Variants in GLIS1 observed in about 807,000 individuals in gnomAD.
The protein encoded by GLIS1 is zinc finger protein GLIS1.
GLIS1 carries 24 observed loss-of-function variants against 63.8 expected under a neutral mutation model. The observed-to-expected ratio is 0.38, with a 90% CI of 0.27 to 0.53. The LOEUF (loss-of-function observed/expected upper bound fraction) is 0.53. GLIS1 is among the 20% of genes least tolerant of loss of function. GLIS1 has a pLI of 0.85. For missense variants in GLIS1, 1,036 were observed against 1,074.1 expected (o/e 0.96, Z 0.50); for synonymous variants, 450 against 482.5 (o/e 0.93, Z 0.88).
At chr1:53,704,915 A>T (rs1201740816) in intron 2 of GLIS1, among the ~76,000 whole-genome samples, 1 of 152,214 alleles carries the variant, frequency 6.6e-6, no homozygotes, top group African/African-American at 2.4e-5. Context: ...CTGCTTTCAC[A>T]GGCACCACCT....
intron 4 of GLIS1, among the ~76,000 whole-genome samples, chr1:53,546,541 G>C (rs910101005): frequency 2.0e-4 from 30 of 152,248 alleles, no homozygotes; most frequent in African/African-American, 7.0e-4. Flanking sequence ...TGGAAAACGG[G>C]GTTAACACTC....
intron 2 of GLIS1, among the ~76,000 whole-genome samples, chr1:53,604,535 AAGCATCC>A (rs1645350150): frequency 6.6e-6 from 1 of 152,238 alleles, no homozygotes. Flanking sequence ...GCAGTCCCAG[AAGCATCC>A]AGCAGCTGGG....
In GLIS1 at chr1:53,594,989, A is replaced by C. The variant is rs1645240873; in HGVS notation, c.439T>G (p.Ser147Ala). The change falls in exon 4 of 11, where the codon TCA (serine) becomes GCA (alanine). Residue 147 changes from serine to alanine, a missense_variant and splice_region_variant. This residue lies in a region of GLIS1 where 592 missense variants were observed against 593.9 expected (regional missense o/e 1.00). Transcript: ENST00000628545. The part of the protein sequence containing the change: ...RLLHFPHPDR[S>A]PRPQATYVNG... Reference sequence around the variant, plus strand: ...ACATACGTGGCCTGGGGTCTAGGTGACCTGGAAGACAGTGCCCAGAGAGGT... The same window carrying C: ...ACATACGTGGCCTGGGGTCTAGGTGCCCTGGAAGACAGTGCCCAGAGAGGT... 1 of 1,421,458 alleles carries C rather than the reference A, an allele frequency of 7.0e-7. No homozygotes were observed. The highest frequency in any genetic ancestry group is 1.5e-5 in the South Asian group (1 of 65,430). The allele number at this position is 1,421,458 out of a possible 1,614,324, so 88.1% of individuals were successfully genotyped here.
At chr1:53,620,311 G>A (rs1272883826) in intron 2 of GLIS1, among the ~76,000 whole-genome samples, 4 of 152,304 alleles carry the variant, frequency 2.6e-5, no homozygotes, top group South Asian at 4.1e-4. Context: ...TCAGACCAGC[G>A]CTGACATCGC....
At chr1:53,641,199 G>A (rs1029208456) in intron 2 of GLIS1, among the ~76,000 whole-genome samples, 1 of 152,178 alleles carries the variant, frequency 6.6e-6, no homozygotes, top group Admixed American at 6.5e-5. Context: ...GCATACAAAA[G>A]GTGCTCATCC....
intron 2 of GLIS1, among the ~76,000 whole-genome samples, chr1:53,607,846 C>T (rs1047384657): frequency 6.6e-6 from 1 of 152,110 alleles, no homozygotes; most frequent in Non-Finnish European, 1.5e-5. Context: ...AATTTGGTTT[C>T]TGGTAAGGGC....
chr1:53,616,601 G>T (rs1569925811), intron 2 of GLIS1, among the ~76,000 whole-genome samples: 1 of 152,112 alleles, frequency 6.6e-6, no homozygotes, highest in African/African-American at 2.4e-5. Context: ...CAGGAGAGGG[G>T]TGTGTGGGAG....
intron 1 of GLIS1, 100 bp from the exon 2 acceptor site, chr1:53,738,206 G>A: frequency 3.0e-6 from 2 of 664,226 alleles, no homozygotes; most frequent in Non-Finnish European, 4.2e-6. Context: ...TCGGTGGATT[G>A]CGCGTCTTTA....
chr1:53,529,706 G>C, intron 5 of GLIS1, 85 bp downstream of exon 5: 1 of 1,408,160 alleles, frequency 7.1e-7, no homozygotes, highest in Non-Finnish European at 9.7e-7. Context: ...GGGGCTACAG[G>C]GTAAGGCAGG....
intron 2 of GLIS1, among the ~76,000 whole-genome samples, chr1:53,660,143 A>G (rs146158538): frequency 0.011 from 1,605 of 152,226 alleles, 18 homozygotes; most frequent in African/African-American, 0.037. Context: ...CCTTTTCCAG[A>G]CACCTCAATG....
intron 2 of GLIS1, among the ~76,000 whole-genome samples, chr1:53,705,149 C>T (rs1225946323): frequency 6.6e-6 from 1 of 152,138 alleles, no homozygotes; most frequent in Non-Finnish European, 1.5e-5. Flanking sequence ...AGTGTCGGGG[C>T]CCAGTTCAGA....
chr1:53,559,875 C>G (rs776172553), intron 4 of GLIS1, among the ~76,000 whole-genome samples: 4 of 152,172 alleles, frequency 2.6e-5, no homozygotes, highest in Non-Finnish European at 5.9e-5. Context: ...CACACACACA[C>G]AGTCATCTAC....
intron 2 of GLIS1, among the ~76,000 whole-genome samples, chr1:53,654,728 G>A (rs1296768167): frequency 2.0e-5 from 3 of 152,170 alleles, no homozygotes; most frequent in African/African-American, 7.2e-5. Context: ...GGACTGAGGC[G>A]ACTGCAGCCC....
In GLIS1 at chr1:53,509,164, C is replaced by T. The variant is rs200322187; in HGVS notation, c.2186G>A (p.Arg729Gln). 1.8e-4 allele frequency: 291 copies of T among 1,599,980 alleles called. No individual in the cohort carries two copies. The highest frequency in any genetic ancestry group is 2.2e-4 in the Non-Finnish European group (263 of 1,173,918). The part of the protein sequence containing the change: ...VGETHGFNPL[R>Q]PNGYHSLSTP... ...GCTGAGGCTGTGGTAGCCATTGGGC[C>T]GCAGGGGGTTGAAACCGTGGGTCTC... Residue 729 changes from arginine to glutamine, a missense_variant, in exon 10 of 11, where the codon CGG becomes CAG. Arg to Gln is a conservative substitution (Grantham distance 43). Around this residue, in one of 3 missense-constraint regions of GLIS1, gnomAD observed 400 missense variants for 400.9 expected, o/e 1.00. Transcript: ENST00000628545.
intron 2 of GLIS1, 79 bp from the exon 3 acceptor site, chr1:53,600,357 C>T: frequency 1.0e-6 from 1 of 959,716 alleles, no homozygotes; most frequent in Non-Finnish European, 1.4e-6. Flanking sequence ...AGGGCAGTCC[C>T]TGGGGTACAG....
At chr1:53,592,591 T>G (rs1645203118) in intron 4 of GLIS1, among the ~76,000 whole-genome samples, 1 of 152,190 alleles carries the variant, frequency 6.6e-6, no homozygotes, top group South Asian at 2.1e-4. Context: ...GGCAGGGGCA[T>G]GTGTCACAGG....
chr1:53,644,829 C>T (rs1276031673), intron 2 of GLIS1, among the ~76,000 whole-genome samples: 1 of 152,190 alleles, frequency 6.6e-6, no homozygotes, highest in Non-Finnish European at 1.5e-5. Flanking sequence ...CACTCCACAA[C>T]AGCAAGTATT....
chr1:53,509,822 C>T (rs1415977713), intron 9 of GLIS1, 27 bp downstream of exon 9: 27 of 1,275,226 alleles, frequency 2.1e-5, no homozygotes, highest in African/African-American at 6.1e-5. Flanking sequence ...GGGGGTTATA[C>T]GGAGCGGGCC....
intron 4 of GLIS1, among the ~76,000 whole-genome samples, chr1:53,577,671 G>A (rs569382483): frequency 1.3e-5 from 2 of 152,304 alleles, no homozygotes; most frequent in South Asian, 2.1e-4. Flanking sequence ...TGGTGTCTGG[G>A]TAGGCTCTAA....
Sources: gnomAD v4.1 joint callset for allele counts (sites outside exome capture counted in the v4.1 genomes callset) on GRCh38, gnomAD v4.1.1 for gene constraint, gnomAD v4.1.1 regional missense constraint, MANE v1.5 for transcripts, NCBI Gene and HGNC (gene_info 2026-07-23, HGNC 2026-07-21) for gene names.